The following CPD variants were observed in gnomAD, a reference collection of about 807,000 sequenced individuals.
CPD encodes carboxypeptidase D.
In CPD, 69 loss-of-function variants were observed where a neutral mutation model predicts 138.3. The observed-to-expected ratio is 0.50, with a 90% CI of 0.41 to 0.61. The LOEUF (loss-of-function observed/expected upper bound fraction) is 0.61. CPD is among the 20% of genes least tolerant of loss of function. CPD has a pLI of 0.00. For synonymous variants in CPD, 651 were observed against 642.1 expected (o/e 1.01, Z -0.21); for missense variants, 1,432 against 1,733.3 (o/e 0.83, Z 3.09).
At chr17:30,432,012 A>G (rs1912578631) in intron 8 of CPD, 131 bp downstream of exon 8, 1 of 639,988 alleles carries the variant, frequency 1.6e-6, no homozygotes, top group African/African-American at 1.8e-5. Flanking sequence ...GCTGTTTCCG[A>G]AAAATAGCTT....
chr17:30,401,281 TCTC>T (rs1911654424), intron 2 of CPD, among the ~76,000 whole-genome samples: 1 of 150,814 alleles, frequency 6.6e-6, no homozygotes. Context: ...CCTTCTTCCT[TCTC>T]CTCCTCTTTC....
At chr17:30,461,568 G>A (rs9911455) in intron 18 of CPD, among the ~76,000 whole-genome samples, 74,239 of 152,010 alleles carry the variant, frequency 0.49, 18,571 homozygotes, top group East Asian at 0.82. Flanking sequence ...ACTGGAGTCA[G>A]TATACCATGG....
At chr17:30,424,798 C>A (rs1219405425) in intron 6 of CPD, among the ~76,000 whole-genome samples, 1 of 152,162 alleles carries the variant, frequency 6.6e-6, no homozygotes, top group Non-Finnish European at 1.5e-5. Flanking sequence ...CTTTTCCCAG[C>A]CCATGATTTC....
At chr17:30,462,213 C>A in intron 19 of CPD, 151 bp downstream of exon 19, 3 of 1,064,252 alleles carry the variant, frequency 2.8e-6, no homozygotes, top group Non-Finnish European at 4.0e-6. Context: ...TATCCTTGTA[C>A]CCCTTGCTAA....
intron 9 of CPD, among the ~76,000 whole-genome samples, chr17:30,440,643 C>G (rs1912837312): frequency 6.7e-6 from 1 of 148,898 alleles, no homozygotes; most frequent in African/African-American, 2.5e-5. Context: ...GCCAGTTTTC[C>G]CAGCACCATT....
chr17:30,410,515 G>T (rs1911935027), intron 2 of CPD, among the ~76,000 whole-genome samples: 1 of 152,144 alleles, frequency 6.6e-6, no homozygotes. Context: ...GGTCTCTAAG[G>T]ACTTGCTTTA....
At chr17:30,438,949 A>T in intron 8 of CPD, 26 bp from the exon 9 acceptor site, 5 of 1,336,902 alleles carry the variant, frequency 3.7e-6, no homozygotes, top group Non-Finnish European at 5.2e-6. Context: ...AACAAATAGA[A>T]GTAAAGATTC....
intron 2 of CPD, among the ~76,000 whole-genome samples, chr17:30,408,285 T>C (rs1044842438): frequency 6.6e-6 from 1 of 152,226 alleles, no homozygotes; most frequent in African/African-American, 2.4e-5. Context: ...GTCTTGGCTA[T>C]GCAGGCTCTT....
chr17:30,412,089 T>A (rs1179370712), intron 2 of CPD, among the ~76,000 whole-genome samples: 1 of 152,208 alleles, frequency 6.6e-6, no homozygotes, highest in Non-Finnish European at 1.5e-5. Context: ...TCCTTCCTGT[T>A]TGTTAATTTT....
chr17:30,457,748 C>T (rs879773017), intron 17 of CPD, among the ~76,000 whole-genome samples: 1 of 152,028 alleles, frequency 6.6e-6, no homozygotes, highest in African/African-American at 2.4e-5. Context: ...TTATTGCAGC[C>T]TGAACCTCCC....
intron 2 of CPD, among the ~76,000 whole-genome samples, chr17:30,414,970 C>T (rs1912066836): frequency 7.8e-6 from 1 of 128,122 alleles, no homozygotes; most frequent in Non-Finnish European, 1.6e-5. Context: ...AGGGTTGTCA[C>T]CCTGTAGATC....
intron 17 of CPD, among the ~76,000 whole-genome samples, chr17:30,457,287 A>G (rs1913326510): frequency 1.3e-5 from 2 of 152,252 alleles, no homozygotes; most frequent in African/African-American, 4.8e-5. Flanking sequence ...AGCATGTATC[A>G]TTACTTCATT....
chr17:30,429,604 T>C (rs1912508781), intron 7 of CPD, among the ~76,000 whole-genome samples: 1 of 152,088 alleles, frequency 6.6e-6, no homozygotes, highest in South Asian at 2.1e-4. Context: ...GCATACAAAT[T>C]TTATTTGATG....
At chr17:30,398,852 A>T (rs867350583) in intron 2 of CPD, among the ~76,000 whole-genome samples, 80 of 150,840 alleles carry the variant, frequency 5.3e-4, no homozygotes, top group African/African-American at 1.2e-3. Flanking sequence ...AATAAAAAAA[A>T]TTTTTTTAAA....
intron 2 of CPD, among the ~76,000 whole-genome samples, chr17:30,417,908 A>G (rs1249577975): frequency 6.6e-6 from 1 of 152,020 alleles, no homozygotes; most frequent in Non-Finnish European, 1.5e-5. Context: ...CTCACCATTC[A>G]TGACATCCCT....
rs201829180 is a variant in CPD, at chr17:30,445,932, G to A, written c.2785G>A (p.Ala929Thr). 6.2e-7 allele frequency: 1 copy of A among 1,613,898 alleles called. No homozygotes were observed. Among genetic ancestry groups the A allele is most frequent in the South Asian group, 1.1e-5 (1 of 91,082 alleles). Reference sequence around the variant, plus strand: ...ACGCTCCTCCTCAAATCTGGCTCTGGCTCTTTATCGATACCATTCCTACAA... The same window carrying A: ...ACGCTCCTCCTCAAATCTGGCTCTGACTCTTTATCGATACCATTCCTACAA... ...MLRSSSNLAL[A>T]LYRYHSYKDL... Residue 929 changes from alanine (A) to threonine (T), a missense_variant, in exon 12 of 21, where the codon GCT becomes ACT. By Grantham distance (58) the Ala-to-Thr change is moderately conservative. This residue lies in a region of CPD where 124 missense variants were observed against 117.0 expected (regional missense o/e 1.06). Transcript: ENST00000225719.
intron 17 of CPD, among the ~76,000 whole-genome samples, chr17:30,459,473 TTTGGTTTTTTGTCC>T (rs1288282995): frequency 6.6e-6 from 1 of 151,390 alleles, no homozygotes; most frequent in Non-Finnish European, 1.5e-5. Context: ...ACATGCGGTG[TTTGGTTTTTTGTCC>T]TTGCGATAGT....
chr17:30,404,293 T>G (rs1201458919), intron 2 of CPD, among the ~76,000 whole-genome samples: 1 of 152,180 alleles, frequency 6.6e-6, no homozygotes, highest in African/African-American at 2.4e-5. Context: ...TTTGAATCAT[T>G]TACTTAATAC....
chr17:30,420,835 T>C lies in CPD; in HGVS notation c.995-6T>C. 1 of 1,607,244 alleles carries C rather than the reference T, an allele frequency of 6.2e-7. No homozygotes were observed. Among genetic ancestry groups the C allele is most frequent in the Non-Finnish European group, 8.5e-7 (1 of 1,175,842 alleles). On this transcript the variant is annotated splice_polypyrimidine_tract_variant and splice_region_variant and intron_variant, in intron 2 of 20. Coordinates refer to ENST00000225719, the MANE Select transcript of CPD (RefSeq NM_001304.5). The stretch of plus-strand genomic sequence containing the variant: ...TGAGAGTAAACTTATTTTTTCTATG[T>C]TACAGGTGGTATGCAAGATTACAAT...
Sources: allele counts gnomAD v4.1 joint callset (sites outside exome capture counted in the v4.1 genomes callset), GRCh38; gene constraint gnomAD v4.1.1; regional missense constraint gnomAD v4.1.1; transcripts MANE v1.5; gene names NCBI Gene and HGNC (gene_info 2026-07-23, HGNC 2026-07-21).